Variants in PCBP2 observed in about 807,000 individuals in gnomAD.
PCBP2 encodes the protein poly(rC) binding protein 2, also known as poly(rC)-binding protein 2.
Under a neutral mutation model 50.1 loss-of-function variants are expected in PCBP2, and 4 were observed. That is an observed-to-expected ratio of 0.08 (90% CI 0.04 to 0.18). The LOEUF (loss-of-function observed/expected upper bound fraction) is 0.18, where lower values mean the gene tolerates loss of function less well. Ranked by LOEUF, PCBP2 falls within the 10% of genes least tolerant of loss-of-function variation. PCBP2 has a pLI of 1.00. For synonymous variants in PCBP2, 179 were observed against 168.0 expected (o/e 1.07, Z -0.51); for missense variants, 161 against 474.3 (o/e 0.34, Z 6.14).
rs552508683 is a variant in PCBP2, at chr12:53,472,952, T to A, written c.1052+1145T>A. Among the ~76,000 whole-genome samples the A allele has an allele frequency of 3.3e-5, 5 of 152,348 alleles. No individual in the cohort carries two copies. In the South Asian group the frequency reaches 1.0e-3, roughly 32 times the overall value. ...GAATGAAATGGTAGTAGTAAACTTT[T>A]GCACCAAGGTTGTTTGCAAAGAGGT... On this transcript the variant is annotated intron_variant, in intron 14 of 14. Coordinates refer to ENST00000546463, the MANE Select transcript of PCBP2 (RefSeq NM_031989.5).
intron 14 of PCBP2, among the ~76,000 whole-genome samples, chr12:53,478,807 A>G (rs898440889): frequency 8.4e-6 from 1 of 118,770 alleles, no homozygotes; most frequent in African/African-American, 2.8e-5. Flanking sequence ...CTCTGTCTCA[A>G]TAAATAAGTA....
At chr12:53,469,060 G>A (rs1942015494) in intron 13 of PCBP2, among the ~76,000 whole-genome samples, 1 of 151,576 alleles carries the variant, frequency 6.6e-6, no homozygotes, top group Non-Finnish European at 1.5e-5. Flanking sequence ...GTGCCACCAT[G>A]CCTGGCTAAT....
chr12:53,475,699 C>T (rs1942536623), intron 14 of PCBP2: 1 of 152,408 alleles, frequency 6.6e-6, no homozygotes, highest in Admixed American at 6.5e-5. Context: ...GGGCTTGTGA[C>T]TTGTGGCTAT....
intron 8 of PCBP2, among the ~76,000 whole-genome samples, chr12:53,463,102 A>G (rs1000740700): frequency 1.3e-5 from 2 of 152,144 alleles, no homozygotes; most frequent in Non-Finnish European, 2.9e-5. Flanking sequence ...CACATGGCAT[A>G]ACTGAAATCA....
chr12:53,479,360 G>C (rs753341900), intron 14 of PCBP2, 46 bp from the exon 15 acceptor site: 12 of 1,572,834 alleles, frequency 7.6e-6, no homozygotes, highest in South Asian at 2.2e-5. Flanking sequence ...ATGAGGTGCA[G>C]CTGAGCACTG....
At chr12:53,465,070 G>A (rs998603341) in intron 9 of PCBP2, 2 of 381,898 alleles carry the variant, frequency 5.2e-6, no homozygotes, top group Non-Finnish European at 8.6e-6. Flanking sequence ...TTTTTTTTTT[G>A]TTCAACCCCT....
chr12:53,479,556 A>T lies in PCBP2; in HGVS notation c.*114A>T, dbSNP rs1195458022. The T allele has an allele frequency of 1.1e-6, 1 of 877,082 alleles. No individual in the cohort carries two copies. Among genetic ancestry groups the T allele is most frequent in the Non-Finnish European group, 1.8e-6 (1 of 542,308 alleles). The allele number at this position is 877,082 out of a possible 1,614,324, so 54.3% of individuals were successfully genotyped here. ...GGTTTTAAATAGTTTGTAAATTTTC[A>T]GTTTCTACACACTTTATCATCCACT... On this transcript the variant is annotated 3_prime_UTR_variant, in exon 15 of 15. Transcript: ENST00000546463.
intron 14 of PCBP2, among the ~76,000 whole-genome samples, chr12:53,473,764 T>G (rs1056705738): frequency 2.5e-4 from 27 of 108,844 alleles, no homozygotes; most frequent in Non-Finnish European, 4.6e-4. Context: ...AGTCAAAGGG[T>G]TTTTTTTTTT....
chr12:53,468,224 G>A (rs1404604843), intron 12 of PCBP2: 7 of 208,512 alleles, frequency 3.4e-5, no homozygotes, highest in Non-Finnish European at 9.6e-6. Flanking sequence ...ACTAAATCTG[G>A]AGAAATGAAG....
chr12:53,461,949 T>C (rs1338464848), intron 7 of PCBP2, among the ~76,000 whole-genome samples: 2 of 152,086 alleles, frequency 1.3e-5, no homozygotes, highest in Non-Finnish European at 2.9e-5. Context: ...GCTCAAGCCA[T>C]CCACCCGCCT....
At chr12:53,472,346 T>G (rs1942299497) in intron 14 of PCBP2, among the ~76,000 whole-genome samples, 1 of 152,178 alleles carries the variant, frequency 6.6e-6, no homozygotes, top group South Asian at 2.1e-4. Flanking sequence ...TTGGAATGTT[T>G]CGGAAGTGTG....
chr12:53,473,833 C>T (rs1432762658), intron 14 of PCBP2, among the ~76,000 whole-genome samples: 1 of 150,986 alleles, frequency 6.6e-6, no homozygotes, highest in Non-Finnish European at 1.5e-5. Context: ...GCATTTTCTC[C>T]TGTCTCTTGA....
Position 53,455,619 on chromosome 12 carries a change from T to C in PCBP2, c.126+126T>C, listed in dbSNP as rs1940947491. The stretch of plus-strand genomic sequence containing the variant: ...AATATGTATTTTTTTTCGGCTTGGT[T>C]ATTTGTAGTGATAATCTGGGGAGTG... On this transcript the variant is annotated intron_variant, in intron 4 of 14. Transcript: ENST00000546463. 3 of 1,005,536 alleles carry C rather than the reference T, an allele frequency of 3.0e-6. No homozygotes were observed. In the South Asian group the frequency reaches 4.3e-5, roughly 14 times the overall value. 62.3% of individuals were successfully genotyped at this position (1,005,536 alleles called of 1,614,324 possible). A position where few individuals can be genotyped will look rare whatever the true frequency, so the allele number is the denominator to read the frequency against.
chr12:53,470,630 G>T (rs1169748923), intron 13 of PCBP2, among the ~76,000 whole-genome samples: 1 of 151,900 alleles, frequency 6.6e-6, no homozygotes, highest in East Asian at 1.9e-4. Flanking sequence ...CTGAACGCAA[G>T]TGATTGGCCT....
In PCBP2 at chr12:53,468,794, G is replaced by T; in HGVS notation, c.844G>T (p.Ala282Ser). ...TCTTTTAGCAGGTTTGGATGCATCTGCTCAGACTACTTCTCATGAACTCAC... is the reference window on the plus strand; with the variant it reads ...TCTTTTAGCAGGTTTGGATGCATCTTCTCAGACTACTTCTCATGAACTCAC... Reference protein sequence around the residue: ...KGYWAGLDASAQTTSHELTIP... With the variant: ...KGYWAGLDASSQTTSHELTIP... The change falls in exon 13 of 15, where the codon GCT (alanine) becomes TCT (serine). Residue 282 changes from alanine (A) to serine (S), a missense_variant. Around this residue, in one of 7 missense-constraint regions of PCBP2, gnomAD observed 51 missense variants for 193.0 expected, o/e 0.26. Transcript: ENST00000546463. 6.2e-7 allele frequency: 1 copy of T among 1,613,618 alleles called. No individual in the cohort carries two copies. The highest frequency in any genetic ancestry group is 8.5e-7 in the Non-Finnish European group (1 of 1,179,574).
intron 5 of PCBP2, among the ~76,000 whole-genome samples, chr12:53,457,823 T>C (rs560859684): frequency 6.6e-6 from 1 of 152,322 alleles, no homozygotes; most frequent in South Asian, 2.1e-4. Flanking sequence ...CGCTTAATCT[T>C]CAGAAGGCTA....
intron 14 of PCBP2, among the ~76,000 whole-genome samples, chr12:53,476,892 A>G (rs938465374): frequency 1.1e-4 from 16 of 151,908 alleles, no homozygotes; most frequent in Admixed American, 5.9e-4. Flanking sequence ...TGCTGATACC[A>G]TCTCCCCCCA....
In PCBP2 at chr12:53,479,543, T is replaced by C. The variant is rs1407690320; in HGVS notation, c.*101T>C. On this transcript the variant is annotated 3_prime_UTR_variant, in exon 15 of 15. Coordinates refer to ENST00000546463, the MANE Select transcript of PCBP2 (RefSeq NM_031989.5). ...GTCAGCGATTCCAGGTTTTAAATAG[T>C]TTGTAAATTTTCAGTTTCTACACAC... 1 of 1,040,430 alleles carries C rather than the reference T, an allele frequency of 9.6e-7. No individual in the cohort carries two copies. Among genetic ancestry groups the C allele is most frequent in the African/African-American group, 1.6e-5 (1 of 63,942 alleles). 64.4% of individuals were successfully genotyped at this position (1,040,430 alleles called of 1,614,324 possible).
chr12:53,455,529 A>G (rs753095023), intron 4 of PCBP2, 36 bp downstream of exon 4: 8 of 1,606,216 alleles, frequency 5.0e-6, no homozygotes, highest in Non-Finnish European at 5.1e-6. Flanking sequence ...TAACTTTGGG[A>G]AGTAAAAAAC....
Sources: allele counts gnomAD v4.1 joint callset (sites outside exome capture counted in the v4.1 genomes callset), GRCh38; gene constraint gnomAD v4.1.1; regional missense constraint gnomAD v4.1.1; transcripts MANE v1.5; gene names NCBI Gene and HGNC (gene_info 2026-07-23, HGNC 2026-07-21).